POC1A: variants seen among roughly 807,000 people sequenced by gnomAD.
POC1A encodes the protein POC1 centriolar protein A, also known as POC1 centriolar protein homolog A.
Under a neutral mutation model 47.8 loss-of-function variants are expected in POC1A, and 34 were observed. The observed-to-expected ratio is 0.71, with a 90% CI of 0.54 to 0.95. POC1A has a LOEUF of 0.95. Ranked by LOEUF, POC1A falls within the 40% of genes least tolerant of loss-of-function variation. The pLI is 0.00. For synonymous variants in POC1A, 177 were observed against 207.6 expected (o/e 0.85, Z 1.27); for missense variants, 466 against 528.3 (o/e 0.88, Z 1.16).
Position 52,079,080 on chromosome 3 carries a change from G to T in POC1A, c.1126-3095C>A, listed in dbSNP as rs1702204937. Among the ~76,000 whole-genome samples the T allele has an allele frequency of 6.6e-6, 1 of 152,246 alleles. No homozygotes were observed. The highest frequency in any genetic ancestry group is 2.4e-5 in the African/African-American group (1 of 41,470). Reference sequence around the variant, plus strand: ...GGGCAGGAGAGCATCTGAGGTGGCAGAAGGGGTGTGTGGGGAGTACCCCTG... The same window carrying T: ...GGGCAGGAGAGCATCTGAGGTGGCATAAGGGGTGTGTGGGGAGTACCCCTG... On this transcript the variant is annotated intron_variant, in intron 10 of 10. Coordinates refer to ENST00000296484, the MANE Select transcript of POC1A (RefSeq NM_015426.5). This position sits in a 1 kb window ranked among gnomAD's most constrained non-coding sequence, Gnocchi z 4.6.
At position 52,150,654 on chromosome 3, in the gene POC1A, AC is replaced by A. The variant is rs539211116; in HGVS notation, c.103+361del. On this transcript the variant is annotated intron_variant, in intron 2 of 10. Coordinates refer to ENST00000296484, the MANE Select transcript of POC1A (RefSeq NM_015426.5). ...GCTCTTCAACAAGGTGTGCCTTATT[AC>A]TGTGGGCAACAGAATCAGTAAAGCT... Among the ~76,000 whole-genome samples, 231 of 152,252 alleles carry A rather than the reference AC, an allele frequency of 1.5e-3. 1 individual carries two copies. Among genetic ancestry groups the A allele is most frequent in the African/African-American group, 5.2e-3 (218 of 41,546 alleles).
chr3:52,080,646 A>T lies in POC1A; in HGVS notation c.1126-4661T>A, dbSNP rs553055007. 3.5e-4 allele frequency among the ~76,000 whole-genome samples: 53 copies of T among 152,354 alleles called. 1 individual carries two copies. The Middle Eastern group carries it at 0.017, about 49-fold the overall frequency. On this transcript the variant is annotated intron_variant, in intron 10 of 10. Transcript: ENST00000296484. Reference sequence around the variant, plus strand: ...ACTCAATATTATAGGAACCGAAAGGACATAGTGACAAGAACCTCCTCCTGG... The same window carrying T: ...ACTCAATATTATAGGAACCGAAAGGTCATAGTGACAAGAACCTCCTCCTGG...
intron 9 of POC1A, among the ~76,000 whole-genome samples, chr3:52,116,048 G>C (rs1005274518): frequency 2.6e-5 from 4 of 152,190 alleles, no homozygotes; most frequent in Non-Finnish European, 5.9e-5. Context: ...CTATGAGGCA[G>C]ATGAGGTGGA....
intron 7 of POC1A, among the ~76,000 whole-genome samples, chr3:52,130,492 C>T (rs557799187): frequency 1.3e-5 from 2 of 152,180 alleles, no homozygotes; most frequent in African/African-American, 2.4e-5. Context: ...TGACCCTGGC[C>T]GAAGACACCT....
At chr3:52,136,530 C>T (rs1168820332) in intron 7 of POC1A, among the ~76,000 whole-genome samples, 1 of 152,178 alleles carries the variant, frequency 6.6e-6, no homozygotes, top group Non-Finnish European at 1.5e-5. Flanking sequence ...GATGAATGAA[C>T]AAACAGACAG....
At chr3:52,141,026 G>C (rs960471773) in intron 6 of POC1A, among the ~76,000 whole-genome samples, 1 of 152,212 alleles carries the variant, frequency 6.6e-6, no homozygotes, top group African/African-American at 2.4e-5. Context: ...TGCCACCTGG[G>C]TGGCAGCTGT....
chr3:52,101,633 T>C (rs1703008475), intron 9 of POC1A, among the ~76,000 whole-genome samples: 1 of 152,160 alleles, frequency 6.6e-6, no homozygotes, highest in South Asian at 2.1e-4. Context: ...ATGGCTATAA[T>C]GGGCTCAATG....
chr3:52,085,002 A>G (rs1375358229), intron 10 of POC1A, among the ~76,000 whole-genome samples: 1 of 152,218 alleles, frequency 6.6e-6, no homozygotes, highest in African/African-American at 2.4e-5. Flanking sequence ...CCAGGAGATA[A>G]GGCACCAGTG....
intron 10 of POC1A, among the ~76,000 whole-genome samples, chr3:52,082,963 C>A (rs890679504): frequency 6.6e-6 from 1 of 152,114 alleles, no homozygotes; most frequent in East Asian, 1.9e-4. Flanking sequence ...CACAGGGCTC[C>A]GAGATTGGAA....
At chr3:52,085,760 C>T (rs901364990) in intron 10 of POC1A, among the ~76,000 whole-genome samples, 2 of 152,238 alleles carry the variant, frequency 1.3e-5, no homozygotes, top group East Asian at 1.9e-4. Flanking sequence ...AGGCAAGTTA[C>T]CAGACTCAGG....
intron 9 of POC1A, among the ~76,000 whole-genome samples, chr3:52,102,172 A>G (rs1010923209): frequency 6.6e-6 from 1 of 152,042 alleles, no homozygotes; most frequent in African/African-American, 2.4e-5. Flanking sequence ...GATGCCTTTC[A>G]TTATTTTTTG....
Position 52,149,264 on chromosome 3 carries a change from C to G in POC1A, c.401G>C (p.Arg134Pro), listed in dbSNP as rs763745798. Residue 134 changes from arginine to proline, a missense_variant, in exon 4 of 11, where the codon CGC becomes CCC. Physicochemically the swap from Arg to Pro is moderately radical, Grantham distance 103. Transcript: ENST00000296484. ...DKTVKVWATH[R>P]QKFLFSLSQH... ...GCTCAGGGAGAACAGGAATTTCTGG[C>G]GATGAGTTGCCCACACTTTGACTGT... The G allele has an allele frequency of 8.1e-6, 13 of 1,614,038 alleles. No homozygotes were observed. The highest frequency in any genetic ancestry group is 1.1e-5 in the Non-Finnish European group (13 of 1,180,028).
rs140995844 is a variant in POC1A, at chr3:52,079,352, C to T, written c.1126-3367G>A. 7.7e-4 allele frequency among the ~76,000 whole-genome samples: 118 copies of T among 152,366 alleles called. 2 individuals carry two copies. In the East Asian group the frequency reaches 0.021, roughly 27 times the overall value. On this transcript the variant is annotated intron_variant, in intron 10 of 10. Transcript: ENST00000296484. This position sits in a 1 kb window ranked among gnomAD's most constrained non-coding sequence, Gnocchi z 4.6. ...ATGCTCCGTCCAGCCCGGGAATTAT[C>T]CTGCTACCAGCGCCTGTCCTCACCA...
chr3:52,095,618 G>A (rs1482176663), intron 10 of POC1A, among the ~76,000 whole-genome samples: 2 of 152,056 alleles, frequency 1.3e-5, no homozygotes, highest in Non-Finnish European at 2.9e-5. Context: ...GCATGGTAGA[G>A]GAGGATCTGC....
chr3:52,138,054 T>A, intron 7 of POC1A, 115 bp downstream of exon 7: 1 of 1,117,484 alleles, frequency 8.9e-7, no homozygotes, highest in Middle Eastern at 2.4e-4. Context: ...AATGCCTCCA[T>A]CCATCTCCCT....
At chr3:52,126,033 T>C (rs192525185) in intron 7 of POC1A, among the ~76,000 whole-genome samples, 111 of 152,238 alleles carry the variant, frequency 7.3e-4, no homozygotes, top group Non-Finnish European at 1.0e-3. Flanking sequence ...GCCACCACCA[T>C]CTCTTCCTCC....
At chr3:52,077,166 T>C (rs1349207711) in intron 10 of POC1A, among the ~76,000 whole-genome samples, 1 of 152,198 alleles carries the variant, frequency 6.6e-6, no homozygotes, top group South Asian at 2.1e-4. Flanking sequence ...GATGAGCCCA[T>C]GTGAGTATGG....
At chr3:52,102,888 G>A (rs908699524) in intron 9 of POC1A, among the ~76,000 whole-genome samples, 14 of 151,998 alleles carry the variant, frequency 9.2e-5, no homozygotes, top group Admixed American at 6.6e-5. Context: ...AAAGGCAAAG[G>A]AACTAGAAAA....
At chr3:52,119,699 A>C (rs1487281396) in intron 9 of POC1A, among the ~76,000 whole-genome samples, 1 of 152,146 alleles carries the variant, frequency 6.6e-6, no homozygotes, top group African/African-American at 2.4e-5. Context: ...CCTGGCCTAG[A>C]AGACATTTTT....
Sources: allele counts gnomAD v4.1 joint callset (sites outside exome capture counted in the v4.1 genomes callset), GRCh38; gene constraint gnomAD v4.1.1; non-coding constraint Gnocchi (gnomAD v3.1); transcripts MANE v1.5; gene names NCBI Gene and HGNC (gene_info 2026-07-23, HGNC 2026-07-21).